The following MBD2 variants were observed in gnomAD, a reference collection of about 807,000 sequenced individuals.
MBD2 encodes methyl-CpG binding domain protein 2, also known as methyl-CpG-binding domain protein 2.
MBD2 carries 9 observed loss-of-function variants against 39.3 expected under a neutral mutation model. The observed-to-expected ratio is 0.23, with a 90% CI of 0.14 to 0.40. The LOEUF (loss-of-function observed/expected upper bound fraction) is 0.40, where lower values mean the gene tolerates loss of function less well. Ranked by LOEUF, MBD2 falls within the 10% of genes least tolerant of loss-of-function variation. MBD2 has a pLI of 1.00. For synonymous variants in MBD2, 233 were observed against 211.1 expected (o/e 1.10, Z -0.90); for missense variants, 458 against 532.6 (o/e 0.86, Z 1.38).
intron 2 of MBD2, among the ~76,000 whole-genome samples, chr18:54,195,309 C>A (rs983424385): frequency 6.6e-6 from 1 of 152,000 alleles, no homozygotes; most frequent in Admixed American, 6.6e-5. Context: ...CTAGTAGACT[C>A]ATTTTATCTT....
At chr18:54,198,776 T>C (rs925912182) in intron 2 of MBD2, among the ~76,000 whole-genome samples, 2 of 152,224 alleles carry the variant, frequency 1.3e-5, no homozygotes, top group African/African-American at 4.8e-5. Context: ...TTCTGAGGCA[T>C]GGTCGCCCAG....
chr18:54,192,512 T>A (rs1311045190), intron 2 of MBD2, among the ~76,000 whole-genome samples: 1 of 152,194 alleles, frequency 6.6e-6, no homozygotes, highest in East Asian at 1.9e-4. Context: ...ATTACAGACA[T>A]GAGCCACTGC....
At chr18:54,211,485 C>A (rs2086507456) in intron 1 of MBD2, among the ~76,000 whole-genome samples, 1 of 152,028 alleles carries the variant, frequency 6.6e-6, no homozygotes, top group Admixed American at 6.6e-5. Flanking sequence ...CTCCTTTCCC[C>A]TTAATCTTTA....
rs751482492 is a variant in MBD2, at chr18:54,188,963, T to C, written c.751A>G (p.Ile251Val). Reference sequence around the variant, plus strand: ...ACTTTGGTTACCGGTTGTTTGAAAATTGATGCTGTTTGTCTAATTGGCAAT... The same window carrying C: ...ACTTTGGTTACCGGTTGTTTGAAAACTGATGCTGTTTGTCTAATTGGCAAT... ...TTLPIRQTAS[I>V]FKQPVTKVTN... Residue 251 changes from isoleucine (I) to valine (V), a missense_variant, in exon 3 of 7, where the codon ATT becomes GTT. Physicochemically the swap from Ile to Val is conservative, Grantham distance 29 (BLOSUM62 3). Coordinates refer to ENST00000256429, the MANE Select transcript of MBD2 (RefSeq NM_003927.5). The C allele has an allele frequency of 6.2e-7, 1 of 1,610,230 alleles. No homozygotes were observed. Among genetic ancestry groups the C allele is most frequent in the Non-Finnish European group, 8.5e-7 (1 of 1,177,516 alleles).
At chr18:54,172,678 T>C (rs190125610) in intron 3 of MBD2, among the ~76,000 whole-genome samples, 1 of 152,336 alleles carries the variant, frequency 6.6e-6, no homozygotes, top group African/African-American at 2.4e-5. Context: ...TGACTTTCCC[T>C]GTATACTCAC....
At chr18:54,211,947 C>T (rs1469688512) in intron 1 of MBD2, among the ~76,000 whole-genome samples, 3 of 152,078 alleles carry the variant, frequency 2.0e-5, no homozygotes, top group Non-Finnish European at 2.9e-5. Context: ...CCTCCGTCTC[C>T]TGCCTTCAAG....
At chr18:54,198,128 AC>A (rs1453671787) in intron 2 of MBD2, among the ~76,000 whole-genome samples, 1 of 152,242 alleles carries the variant, frequency 6.6e-6, no homozygotes, top group Non-Finnish European at 1.5e-5. Context: ...AGTTCTTACC[AC>A]ACTATGCCCT....
At chr18:54,211,453 T>C (rs1395470126) in intron 1 of MBD2, among the ~76,000 whole-genome samples, 1 of 151,186 alleles carries the variant, frequency 6.6e-6, no homozygotes, top group Non-Finnish European at 1.5e-5. Flanking sequence ...TCTACCTAAG[T>C]CAGCTCCCTG....
chr18:54,179,532 G>A (rs2086234639), intron 3 of MBD2, among the ~76,000 whole-genome samples: 1 of 152,112 alleles, frequency 6.6e-6, no homozygotes, highest in African/African-American at 2.4e-5. Flanking sequence ...GCTTACTCCA[G>A]GAATTCTAGA....
chr18:54,222,862 T>C (rs1315144063), intron 1 of MBD2, among the ~76,000 whole-genome samples: 2 of 152,268 alleles, frequency 1.3e-5, no homozygotes, highest in African/African-American at 4.8e-5. Flanking sequence ...TATGTACATT[T>C]CTTTAACCTT....
Position 54,153,623 on chromosome 18 carries a change from G to C in MBD2, c.*1701C>G, listed in dbSNP as rs1038296333. ...ATCACAAATGAAGAATCGTGGACTCGGGGGAGGAAGAGAAAAGCCCTTGGA... is the reference window on the plus strand; with the variant it reads ...ATCACAAATGAAGAATCGTGGACTCCGGGGAGGAAGAGAAAAGCCCTTGGA... On this transcript the variant is annotated 3_prime_UTR_variant, in exon 7 of 7. Coordinates refer to ENST00000256429, the MANE Select transcript of MBD2 (RefSeq NM_003927.5). 6.6e-6 allele frequency: 1 copy of C among 152,130 alleles called. No homozygotes were observed. Among genetic ancestry groups the C allele is most frequent in the African/African-American group, 2.4e-5 (1 of 41,404 alleles). The allele number at this position is 152,130 out of a possible 1,614,324, so 9.4% of individuals were successfully genotyped here. A position where few individuals can be genotyped will look rare whatever the true frequency, so the allele number is the denominator to read the frequency against.
At chr18:54,219,090 C>T (rs1484594609) in intron 1 of MBD2, among the ~76,000 whole-genome samples, 1 of 152,150 alleles carries the variant, frequency 6.6e-6, no homozygotes, top group Non-Finnish European at 1.5e-5. Context: ...AGACCCTACA[C>T]TACTATACCC....
intron 5 of MBD2, among the ~76,000 whole-genome samples, chr18:54,162,590 A>G (rs2086104872): frequency 6.6e-6 from 1 of 152,240 alleles, no homozygotes; most frequent in Non-Finnish European, 1.5e-5. Flanking sequence ...AGCCACCAAC[A>G]TTCCTGTGAT....
rs1166693697 is a variant in MBD2, at chr18:54,187,000, G to C, written c.840+1874C>G. Among the ~76,000 whole-genome samples, 9 of 152,302 alleles carry C rather than the reference G, an allele frequency of 5.9e-5. No individual in the cohort carries two copies. In the East Asian group the frequency reaches 1.7e-3, roughly 29 times the overall value. On this transcript the variant is annotated intron_variant, in intron 3 of 6. Coordinates refer to ENST00000256429, the MANE Select transcript of MBD2 (RefSeq NM_003927.5). The stretch of plus-strand genomic sequence containing the variant: ...CATACCAAAGAACAAGGAGCAACTA[G>C]TCTGGTTATTTCAACTTTAAAACTC...
chr18:54,205,231 C>A, intron 1 of MBD2, 74 bp from the exon 2 acceptor site: 1 of 1,328,918 alleles, frequency 7.5e-7, no homozygotes, highest in Non-Finnish European at 1.0e-6. Context: ...ATGTCTTCCC[C>A]TACCCTCAAT....
At chr18:54,211,411 A>ACACACACACACG (rs992109884) in intron 1 of MBD2, among the ~76,000 whole-genome samples, 1 of 151,126 alleles carries the variant, frequency 6.6e-6, no homozygotes, top group Non-Finnish European at 1.5e-5. Context: ...ACACACACAC[A>ACACACACACACG]CACGCACACA....
At chr18:54,213,268 A>G (rs1224346095) in intron 1 of MBD2, among the ~76,000 whole-genome samples, 1 of 152,176 alleles carries the variant, frequency 6.6e-6, no homozygotes, top group African/African-American at 2.4e-5. Context: ...GCCTCGTGTC[A>G]GATCAGTGGC....
chr18:54,221,589 A>G (rs945813569), intron 1 of MBD2, among the ~76,000 whole-genome samples: 2 of 152,076 alleles, frequency 1.3e-5, no homozygotes, highest in Non-Finnish European at 2.9e-5. Context: ...AGCCTGGCCA[A>G]TATGGTGAAA....
intron 2 of MBD2, among the ~76,000 whole-genome samples, chr18:54,198,466 G>C (rs781013037): frequency 2.0e-5 from 3 of 152,194 alleles, no homozygotes; most frequent in African/African-American, 4.8e-5. Flanking sequence ...TGTAATCCTA[G>C]CACTTTGGAA....
Sources: allele counts gnomAD v4.1 joint callset (sites outside exome capture counted in the v4.1 genomes callset), GRCh38; gene constraint gnomAD v4.1.1; transcripts MANE v1.5; gene names NCBI Gene and HGNC (gene_info 2026-07-23, HGNC 2026-07-21).